The following PGF variants were observed in gnomAD, a reference collection of about 807,000 sequenced individuals.
PGF encodes placenta growth factor.
Under a neutral mutation model 25.3 loss-of-function variants are expected in PGF, and 11 were observed. The observed-to-expected ratio is 0.43, with a 90% CI of 0.27 to 0.72. PGF has a LOEUF of 0.72. PGF is among the 30% of genes least tolerant of loss of function. The pLI is 0.18. For missense variants in PGF, 230 were observed against 234.9 expected (o/e 0.98, Z 0.14); for synonymous variants, 105 against 97.9 (o/e 1.07, Z -0.43).
At chr14:74,954,171 G>A in intron 1 of PGF, 3 of 576,242 alleles carry the variant, frequency 5.2e-6, no homozygotes, top group Non-Finnish European at 9.3e-6. Context: ...TTTGGAAAAG[G>A]ATGGGAGGCT....
intron 6 of PGF, chr14:74,945,716 G>T (rs1888716447): frequency 6.4e-6 from 1 of 156,664 alleles, no homozygotes; most frequent in Admixed American, 6.2e-5. Flanking sequence ...AGCAGCAAGG[G>T]GACCCACAGG....
At chr14:74,955,598 G>A (rs1051295108), upstream of PGF, 1 of 218,334 alleles carries the variant, frequency 4.6e-6, no homozygotes, top group African/African-American at 2.3e-5. The surrounding 1 kb of genome is among the most constrained non-coding windows in gnomAD (Gnocchi z 4.1). Context: ...GCTCCCTTCT[G>A]AGACTGCAGC....
At chr14:74,945,753 G>A (rs574484312) in intron 6 of PGF, 10 of 160,308 alleles carry the variant, frequency 6.2e-5, no homozygotes, top group Middle Eastern at 3.2e-3. Flanking sequence ...AGACAGTGGC[G>A]AGGGGCACAT....
In PGF at chr14:74,955,238, G is replaced by T; in HGVS notation, c.5C>A (p.Pro2Gln). ...GAAGCAAGGGAACAGCCTCATGACC[G>T]GCATCTTCTCAGACGTCCCGAGCCA... Reference protein sequence around the residue: MPVMRLFPCFLQ... With the variant: MQVMRLFPCFLQ... The change falls in exon 1 of 7, where the codon CCG becomes CAG. Residue 2 changes from proline to glutamine, a missense_variant. Coordinates refer to ENST00000555567, the MANE Select transcript of PGF (RefSeq NM_002632.6). The surrounding 1 kb of genome is among the most constrained non-coding windows in gnomAD (Gnocchi z 4.1). The T allele has an allele frequency of 2.7e-6, 4 of 1,471,078 alleles. No homozygotes were observed. The highest frequency in any genetic ancestry group is 3.6e-6 in the Non-Finnish European group (4 of 1,102,136). 91.1% of individuals were successfully genotyped at this position (1,471,078 alleles called of 1,614,324 possible). A position where few individuals can be genotyped will look rare whatever the true frequency, so the allele number is the denominator to read the frequency against.
chr14:74,954,248 T>G, intron 1 of PGF: 2 of 408,582 alleles, frequency 4.9e-6, no homozygotes, highest in Non-Finnish European at 4.6e-6. Flanking sequence ...GTCTGCCTTC[T>G]ACCCAGCCCC....
rs1888921723 is a variant in PGF, at chr14:74,953,655, G to A, written c.118+249C>T. Reference sequence around the variant, plus strand: ...GGGAAGGGCTCTGAGCCAGCTGGATGAACCCTGGCTATACTGGCCCCAGCC... The same window carrying A: ...GGGAAGGGCTCTGAGCCAGCTGGATAAACCCTGGCTATACTGGCCCCAGCC... On this transcript the variant is annotated intron_variant, in intron 2 of 6. Coordinates refer to ENST00000555567, the MANE Select transcript of PGF (RefSeq NM_002632.6). This position sits in a 1 kb window ranked among gnomAD's most constrained non-coding sequence, Gnocchi z 5.4. Among the ~76,000 whole-genome samples the A allele has an allele frequency of 6.6e-6, 1 of 152,102 alleles. No homozygotes were observed. Among genetic ancestry groups the A allele is most frequent in the Non-Finnish European group, 1.5e-5 (1 of 68,028 alleles).
At chr14:74,952,241 G>A (rs780053358) in intron 2 of PGF, among the ~76,000 whole-genome samples, 3 of 152,216 alleles carry the variant, frequency 2.0e-5, no homozygotes, top group Non-Finnish European at 4.4e-5. Context: ...CACTGGAGAC[G>A]GGCCACAGGG....
intron 4 of PGF, chr14:74,947,263 T>G: frequency 4.1e-6 from 1 of 241,130 alleles, no homozygotes; most frequent in Non-Finnish European, 8.0e-6. Context: ...AAGGTGACTC[T>G]GGGTCACCAC....
At chr14:74,948,190 A>T (rs866701381) in intron 4 of PGF, 16 of 266,048 alleles carry the variant, frequency 6.0e-5, no homozygotes, top group African/African-American at 3.3e-4. Context: ...GCTGCCTCCC[A>T]TCCCAGAGAA....
chr14:74,953,174 G>A lies in PGF; in HGVS notation c.118+730C>T, dbSNP rs895843956. ...CAGAGGGTGTTCCCAGCACGCAGAT[G>A]GCTATCACGCGTGTGCGTGTGCATG... On this transcript the variant is annotated intron_variant, in intron 2 of 6. Transcript: ENST00000555567. This position sits in a 1 kb window ranked among gnomAD's most constrained non-coding sequence, Gnocchi z 5.4. 8.5e-5 allele frequency among the ~76,000 whole-genome samples: 13 copies of A among 152,228 alleles called. No homozygotes were observed. The highest frequency in any genetic ancestry group is 1.7e-4 in the African/African-American group (7 of 41,464).
intron 6 of PGF, among the ~76,000 whole-genome samples, chr14:74,944,025 G>A (rs1011292986): frequency 3.4e-5 from 5 of 148,798 alleles, no homozygotes; most frequent in African/African-American, 1.2e-4. Flanking sequence ...GGAAATACAA[G>A]TTCCAGGAAA....
intron 6 of PGF, among the ~76,000 whole-genome samples, chr14:74,944,354 G>A (rs61759398): frequency 0.029 from 4,374 of 151,930 alleles, 187 homozygotes; most frequent in South Asian, 0.18. Flanking sequence ...CGCCCGCCTT[G>A]GCCTCCAAAA....
At chr14:74,944,253 C>T (rs1331753885) in intron 6 of PGF, among the ~76,000 whole-genome samples, 2 of 151,738 alleles carry the variant, frequency 1.3e-5, no homozygotes, top group African/African-American at 4.8e-5. Context: ...TAGGCACCCA[C>T]CACCACACCC....
At chr14:74,944,254 C>T (rs543569751) in intron 6 of PGF, among the ~76,000 whole-genome samples, 6 of 152,008 alleles carry the variant, frequency 3.9e-5, no homozygotes, top group Non-Finnish European at 7.4e-5. Flanking sequence ...AGGCACCCAC[C>T]ACCACACCCG....
chr14:74,946,061 G>T, intron 6 of PGF, 152 bp downstream of exon 6: 1 of 655,424 alleles, frequency 1.5e-6, no homozygotes, highest in Non-Finnish European at 2.7e-6. Flanking sequence ...TGCTTCCTGG[G>T]CCCTAGAGTC....
At chr14:74,942,979 T>C (rs8019391) in intron 6 of PGF, among the ~76,000 whole-genome samples, 104,420 of 152,146 alleles carry the variant, frequency 0.69, 38,338 homozygotes, top group East Asian at 0.85. Flanking sequence ...CAACCTTCCA[T>C]GAGGAAGGCA....
In PGF at chr14:74,949,527, G is replaced by A. The variant is rs1225770691; in HGVS notation, c.145C>T (p.Arg49Cys). Reference sequence around the variant, plus strand: ...CTCTCCAGCGCCCGGCAGTAGCTGCGGCCCCACACTTCCTGGAAGGGTACC... The same window carrying A: ...CTCTCCAGCGCCCGGCAGTAGCTGCAGCCCCACACTTCCTGGAAGGGTACC... The part of the protein sequence containing the change: ...EVVPFQEVWG[R>C]SYCRALERLV... The change falls in exon 3 of 7, where the codon CGC (arginine) becomes TGC (cysteine). Residue 49 changes from arginine (R) to cysteine (C), a missense_variant. Coordinates refer to ENST00000555567, the MANE Select transcript of PGF (RefSeq NM_002632.6). The A allele has an allele frequency of 1.3e-6, 2 of 1,588,890 alleles. No individual in the cohort carries two copies. Among genetic ancestry groups the A allele is most frequent in the Admixed American group, 1.8e-5 (1 of 57,060 alleles).
intron 3 of PGF, among the ~76,000 whole-genome samples, chr14:74,948,839 G>A (rs1056460078): frequency 3.9e-5 from 6 of 152,212 alleles, no homozygotes; most frequent in Admixed American, 2.0e-4. Flanking sequence ...TGGAGTCAGA[G>A]AGACCCGTGT....
At chr14:74,949,656 A>G in intron 2 of PGF, 103 bp from the exon 3 acceptor site, 1 of 899,584 alleles carries the variant, frequency 1.1e-6, no homozygotes, top group East Asian at 2.9e-5. Flanking sequence ...TTCAGCCCCC[A>G]GCCCCATCCG....
Sources: gnomAD v4.1 joint callset for allele counts (sites outside exome capture counted in the v4.1 genomes callset) on GRCh38, gnomAD v4.1.1 for gene constraint, Gnocchi (gnomAD v3.1) non-coding constraint, MANE v1.5 for transcripts, NCBI Gene and HGNC (gene_info 2026-07-23, HGNC 2026-07-21) for gene names.